TRERF1: variants seen among roughly 807,000 people sequenced by gnomAD.
TRERF1 encodes the protein transcriptional-regulating factor 1.
In TRERF1, 27 loss-of-function variants were observed where a neutral mutation model predicts 122.9. That is an observed-to-expected ratio of 0.22 (90% CI 0.16 to 0.30). The LOEUF (loss-of-function observed/expected upper bound fraction) is 0.30, where lower values mean the gene tolerates loss of function less well. TRERF1 is among the 10% of genes least tolerant of loss of function. TRERF1 has a pLI of 1.00. For synonymous variants in TRERF1, 636 were observed against 641.7 expected (o/e 0.99, Z 0.13); for missense variants, 1,248 against 1,560.3 (o/e 0.80, Z 3.37).
At position 42,232,650 on chromosome 6, in the gene TRERF1, TCAGATTCAGTCCC is replaced by T. The variant is rs751621234; in HGVS notation, c.3278+18_3278+30del. On this transcript the variant is annotated intron_variant, in intron 17 of 17. Transcript: ENST00000372922. This position sits in a 1 kb window ranked among gnomAD's most constrained non-coding sequence, Gnocchi z 4.5. ...CATAGAGCGACTACCCATCATGAAC[TCAGATTCAGTCCC>T]CGGTCCCCTGCACCTACTTGCCACA... The T allele has an allele frequency of 6.4e-7, 1 of 1,550,982 alleles. No homozygotes were observed. The highest frequency in any genetic ancestry group is 1.8e-5 in the Admixed American group (1 of 54,934).
chr6:42,360,739 G>A (rs1311517094), intron 3 of TRERF1, among the ~76,000 whole-genome samples: 5 of 121,228 alleles, frequency 4.1e-5, no homozygotes, highest in Non-Finnish European at 8.1e-5. Context: ...GCCTGAGGAT[G>A]AACTGACCCA....
At chr6:42,418,662 G>A (rs965471203) in intron 2 of TRERF1, among the ~76,000 whole-genome samples, 9 of 152,070 alleles carry the variant, frequency 5.9e-5, no homozygotes, top group African/African-American at 1.4e-4. Flanking sequence ...TAGTGGGCTC[G>A]TAGGTAGTTG....
At chr6:42,317,634 C>T (rs1460955767) in intron 3 of TRERF1, among the ~76,000 whole-genome samples, 2 of 152,026 alleles carry the variant, frequency 1.3e-5, no homozygotes, top group African/African-American at 2.4e-5. Context: ...GGATTACAAG[C>T]GTGAGCTCCC....
intron 3 of TRERF1, among the ~76,000 whole-genome samples, chr6:42,359,331 A>C (rs1467599046): frequency 6.6e-6 from 1 of 152,142 alleles, no homozygotes; most frequent in Non-Finnish European, 1.5e-5. Context: ...GTGATCCGAA[A>C]ATCCATCCAT....
chr6:42,272,260 G>T (rs998018882), intron 4 of TRERF1, among the ~76,000 whole-genome samples: 2 of 152,180 alleles, frequency 1.3e-5, no homozygotes, highest in African/African-American at 4.8e-5. Flanking sequence ...AGCTGAGTTG[G>T]TCTGTCCCTT....
chr6:42,262,322 G>T (rs1396855368), intron 8 of TRERF1, among the ~76,000 whole-genome samples: 6 of 151,850 alleles, frequency 4.0e-5, no homozygotes, highest in Non-Finnish European at 8.8e-5. Context: ...TATGCCTCCT[G>T]GATTCCCAGC....
chr6:42,291,857 G>A (rs1784377149), intron 4 of TRERF1, among the ~76,000 whole-genome samples: 1 of 152,058 alleles, frequency 6.6e-6, no homozygotes, highest in Non-Finnish European at 1.5e-5. Context: ...GTCTGGACAA[G>A]TTTTTACTCA....
At chr6:42,306,649 C>T (rs184407478) in intron 3 of TRERF1, among the ~76,000 whole-genome samples, 1 of 152,322 alleles carries the variant, frequency 6.6e-6, no homozygotes, top group East Asian at 1.9e-4. Flanking sequence ...CTCTTTTCTA[C>T]CCCAGGGCCT....
intron 2 of TRERF1, among the ~76,000 whole-genome samples, chr6:42,427,691 A>C (rs1198743920): frequency 6.6e-6 from 1 of 150,934 alleles, no homozygotes; most frequent in Non-Finnish European, 1.5e-5. Context: ...CTGGGACTAC[A>C]GGTGTGTGCC....
chr6:42,254,997 C>A, intron 12 of TRERF1, 71 bp from the exon 13 acceptor site: 1 of 1,518,944 alleles, frequency 6.6e-7, no homozygotes, highest in South Asian at 1.1e-5. Context: ...ATCATCTACC[C>A]AAAGGGGAAA....
chr6:42,421,679 C>T (rs887078337), intron 2 of TRERF1, among the ~76,000 whole-genome samples: 1 of 152,198 alleles, frequency 6.6e-6, no homozygotes, highest in African/African-American at 2.4e-5. Flanking sequence ...GAGGCTGAGG[C>T]AGGAGAACTG....
intron 3 of TRERF1, among the ~76,000 whole-genome samples, chr6:42,355,847 GA>G (rs542831813): frequency 2.1e-4 from 32 of 152,062 alleles, no homozygotes; most frequent in Non-Finnish European, 8.8e-5. Flanking sequence ...AAAGTGTTCA[GA>G]AAAAAACACA....
At chr6:42,402,540 A>C (rs1409524230) in intron 2 of TRERF1, among the ~76,000 whole-genome samples, 1 of 152,192 alleles carries the variant, frequency 6.6e-6, no homozygotes, top group African/African-American at 2.4e-5. Context: ...GGGGTTTCTA[A>C]GGAAGGGTCA....
intron 2 of TRERF1, among the ~76,000 whole-genome samples, chr6:42,379,211 T>C (rs1335350286): frequency 6.6e-6 from 1 of 152,004 alleles, no homozygotes; most frequent in East Asian, 1.9e-4. Flanking sequence ...TGTCTTTTCC[T>C]TGCCAGAAAA....
At chr6:42,402,543 A>C (rs1417445760) in intron 2 of TRERF1, among the ~76,000 whole-genome samples, 6 of 152,168 alleles carry the variant, frequency 3.9e-5, no homozygotes, top group Admixed American at 3.9e-4. Flanking sequence ...GTTTCTAAGG[A>C]AGGGTCACAT....
chr6:42,446,781 T>C (rs541224609), intron 2 of TRERF1, among the ~76,000 whole-genome samples: 1 of 152,124 alleles, frequency 6.6e-6, no homozygotes, highest in Non-Finnish European at 1.5e-5. Flanking sequence ...GGTGGGCGGA[T>C]CACTTGAGGC....
At chr6:42,253,064 G>A (rs1027319092) in intron 13 of TRERF1, among the ~76,000 whole-genome samples, 1 of 152,158 alleles carries the variant, frequency 6.6e-6, no homozygotes, top group African/African-American at 2.4e-5. Flanking sequence ...TCAATTAATT[G>A]TTGCAGAGTT....
chr6:42,386,269 C>G (rs781186471), intron 2 of TRERF1, among the ~76,000 whole-genome samples: 12 of 152,168 alleles, frequency 7.9e-5, no homozygotes, highest in Admixed American at 7.9e-4. Flanking sequence ...TTCTGACATA[C>G]AGTGACTGTA....
intron 3 of TRERF1, among the ~76,000 whole-genome samples, chr6:42,321,914 A>G (rs1763525935): frequency 6.6e-6 from 1 of 152,268 alleles, no homozygotes; most frequent in African/African-American, 2.4e-5. Flanking sequence ...CATAAGCCCT[A>G]TCTGCTAGTT....
Sources: gnomAD v4.1 joint callset for allele counts (sites outside exome capture counted in the v4.1 genomes callset) on GRCh38, gnomAD v4.1.1 for gene constraint, Gnocchi (gnomAD v3.1) non-coding constraint, MANE v1.5 for transcripts, NCBI Gene and HGNC (gene_info 2026-07-23, HGNC 2026-07-21) for gene names.